The following SPATS2L variants were observed in gnomAD, a reference collection of about 807,000 sequenced individuals.
The protein encoded by SPATS2L is SPATS2-like protein.
In SPATS2L, 30 loss-of-function variants were observed where a neutral mutation model predicts 59.6. The ratio of observed to expected loss-of-function variants is 0.50; its 90% confidence interval spans 0.38 to 0.68. The LOEUF is 0.68. SPATS2L is among the 30% of genes least tolerant of loss of function. The probability of loss-of-function intolerance (pLI) is 0.00; values close to 1 mark genes in which losing one functional copy is unlikely to be tolerated. For synonymous variants in SPATS2L, 252 were observed against 263.5 expected, an observed-to-expected ratio of 0.96 and a Z score of 0.42; for missense variants, 615 against 700.0, an observed-to-expected ratio of 0.88 and a Z score of 1.37.
chr2:200,308,484 C>T (rs556966955), intron 1 of SPATS2L, among the ~76,000 whole-genome samples: 1 of 152,254 alleles, frequency 6.6e-6, no homozygotes, highest in South Asian at 2.1e-4. Flanking sequence ...AAGGCAAATA[C>T]TGCAGTTTCT....
At chr2:200,372,131 G>A (rs999271954) in intron 2 of SPATS2L, 20 of 985,292 alleles carry the variant, frequency 2.0e-5, no homozygotes, top group Non-Finnish European at 2.4e-5. Flanking sequence ...ACATGACTAA[G>A]ACAGAATGAG....
chr2:200,412,948 T>C (rs2082933015), intron 4 of SPATS2L, among the ~76,000 whole-genome samples: 1 of 152,126 alleles, frequency 6.6e-6, no homozygotes, highest in Non-Finnish European at 1.5e-5. Context: ...TCCCAGCTTC[T>C]TGGAGGCTGA....
chr2:200,376,884 A>G (rs1202575545), intron 2 of SPATS2L, among the ~76,000 whole-genome samples: 1 of 152,158 alleles, frequency 6.6e-6, no homozygotes, highest in African/African-American at 2.4e-5. Context: ...TATGAGTTGG[A>G]AAAGGGACGG....
chr2:200,308,852 T>G, intron 1 of SPATS2L: 1 of 545,024 alleles, frequency 1.8e-6, no homozygotes. Flanking sequence ...ACAGGCAAAA[T>G]GATCAAGACT....
chr2:200,473,179 C>T (rs1025502953), intron 12 of SPATS2L, 127 bp downstream of exon 12: 1 of 869,454 alleles, frequency 1.2e-6, no homozygotes, highest in Non-Finnish European at 1.7e-6. Context: ...CACCTGCCCT[C>T]ACCCACTCCC....
At chr2:200,403,748 T>G (rs1354734765) in intron 3 of SPATS2L, among the ~76,000 whole-genome samples, 1 of 152,158 alleles carries the variant, frequency 6.6e-6, no homozygotes, top group Non-Finnish European at 1.5e-5. Context: ...TGAGAATTGC[T>G]GGGGAAAGCC....
chr2:200,325,889 C>T (rs574651406), intron 1 of SPATS2L, among the ~76,000 whole-genome samples: 3 of 151,562 alleles, frequency 2.0e-5, no homozygotes, highest in African/African-American at 7.2e-5. Flanking sequence ...AGAAAAGCCT[C>T]ACTTATCTTC....
At chr2:200,362,248 G>GA (rs964659584) in intron 2 of SPATS2L, among the ~76,000 whole-genome samples, 1 of 151,752 alleles carries the variant, frequency 6.6e-6, no homozygotes, top group Non-Finnish European at 1.5e-5. Flanking sequence ...ACCTTGTCTT[G>GA]AAAAAAAAGA....
chr2:200,467,303 T>A lies in SPATS2L; in HGVS notation c.861T>A (p.Thr287=). 6.2e-7 allele frequency: 1 copy of A among 1,613,556 alleles called. No homozygotes were observed. The change falls in exon 10 of 13, where the codon ACT becomes ACA. Residue 287 remains threonine (T), a synonymous_variant. Transcript: ENST00000409140. Reference sequence around the variant, plus strand: ...CTTATTTGGCAGTGGAAATCCTGACTGCTCGTCAGAAGAAAGCAGAAGAAC... The same window carrying A: ...CTTATTTGGCAGTGGAAATCCTGACAGCTCGTCAGAAGAAAGCAGAAGAAC... ...KVKEEAMEIL[T]ARQKKAEELK...
At chr2:200,324,280 C>T (rs1349252108) in intron 1 of SPATS2L, among the ~76,000 whole-genome samples, 15 of 152,084 alleles carry the variant, frequency 9.9e-5, no homozygotes. Flanking sequence ...CTGTGGAGTT[C>T]CTGAGGGATG....
intron 4 of SPATS2L, among the ~76,000 whole-genome samples, chr2:200,414,397 G>A (rs371684566): frequency 6.6e-6 from 1 of 152,180 alleles, no homozygotes; most frequent in East Asian, 1.9e-4. Context: ...CATACTGGGA[G>A]GTCAAGGCAG....
intron 8 of SPATS2L, among the ~76,000 whole-genome samples, chr2:200,455,981 G>A (rs1019245734): frequency 6.6e-5 from 10 of 152,142 alleles, no homozygotes; most frequent in African/African-American, 9.7e-5. Flanking sequence ...TCTGGCACTC[G>A]CTTGATGTAA....
At chr2:200,385,674 C>A (rs1243812342) in intron 2 of SPATS2L, among the ~76,000 whole-genome samples, 1 of 152,078 alleles carries the variant, frequency 6.6e-6, no homozygotes, top group African/African-American at 2.4e-5. Context: ...CCCAATTTGA[C>A]TATCTAGTCA....
chr2:200,377,147 C>T (rs1220387104), intron 2 of SPATS2L, among the ~76,000 whole-genome samples: 1 of 152,150 alleles, frequency 6.6e-6, no homozygotes, highest in East Asian at 1.9e-4. Context: ...TCCTTCTTAC[C>T]ACGCTATGCC....
intron 2 of SPATS2L, among the ~76,000 whole-genome samples, chr2:200,334,857 G>C (rs1306246908): frequency 3.3e-5 from 5 of 152,176 alleles, no homozygotes; most frequent in African/African-American, 1.2e-4. Flanking sequence ...GCTCTGTTCT[G>C]TTCCATTGAT....
chr2:200,471,850 C>T (rs2087067363), intron 11 of SPATS2L, among the ~76,000 whole-genome samples: 1 of 152,184 alleles, frequency 6.6e-6, no homozygotes. Flanking sequence ...AAATCTGATC[C>T]AACAAAGAGA....
At chr2:200,376,164 T>A (rs2081592061) in intron 2 of SPATS2L, among the ~76,000 whole-genome samples, 1 of 152,196 alleles carries the variant, frequency 6.6e-6, no homozygotes, top group African/African-American at 2.4e-5. Context: ...GCAGTCTTTT[T>A]AAAAGGAAGG....
intron 6 of SPATS2L, among the ~76,000 whole-genome samples, chr2:200,430,228 C>T (rs1157094404): frequency 6.6e-6 from 1 of 152,168 alleles, no homozygotes; most frequent in Non-Finnish European, 1.5e-5. Flanking sequence ...AATCCTTTCT[C>T]ATTATCTCTA....
At chr2:200,307,116 C>T (rs2079044248) in intron 1 of SPATS2L, among the ~76,000 whole-genome samples, 194 bp downstream of exon 1, 1 of 150,974 alleles carries the variant, frequency 6.6e-6, no homozygotes, top group African/African-American at 2.4e-5. Flanking sequence ...GTGGCGCGGA[C>T]CGGACGCGAA....
Sources: gnomAD v4.1 joint callset for allele counts (sites outside exome capture counted in the v4.1 genomes callset) on GRCh38, gnomAD v4.1.1 for gene constraint, MANE v1.5 for transcripts, NCBI Gene and HGNC (gene_info 2026-07-23, HGNC 2026-07-21) for gene names.